Variants in GALK2 observed in about 807,000 individuals in gnomAD.
The protein encoded by GALK2 is galactokinase 2, also known as N-acetylgalactosamine kinase.
In GALK2, 36 loss-of-function variants were observed where a neutral mutation model predicts 52.4. That is an observed-to-expected ratio of 0.69 (90% CI 0.53 to 0.91). The LOEUF is 0.91. Among genes scored for constraint, GALK2 ranks in the 40% least tolerant of loss-of-function variants. The pLI, the probability that GALK2 is intolerant of heterozygous loss-of-function variation, is 0.00. For synonymous variants in GALK2, 176 were observed against 199.1 expected (o/e 0.88, Z 0.98); for missense variants, 579 against 559.1 (o/e 1.04, Z -0.36).
At chr15:49,196,177 T>C (rs1053958336) in intron 1 of GALK2, among the ~76,000 whole-genome samples, 11 of 152,140 alleles carry the variant, frequency 7.2e-5, no homozygotes, top group African/African-American at 2.7e-4. Context: ...CTTTTTTGTG[T>C]CATTCTTTTT....
chr15:49,313,377 A>T (rs2036152457), intron 8 of GALK2, among the ~76,000 whole-genome samples: 2 of 152,258 alleles, frequency 1.3e-5, no homozygotes, highest in African/African-American at 4.8e-5. Flanking sequence ...CTAGAGAGCC[A>T]GATTCTGGTC....
rs1042583733 is a variant in GALK2, at chr15:49,261,160, T to G, written c.505-20827T>G. Among the ~76,000 whole-genome samples, 95 of 149,662 alleles carry G rather than the reference T, an allele frequency of 6.3e-4. 1 individual carries two copies. Among genetic ancestry groups the G allele is most frequent in the Non-Finnish European group, 1.1e-3 (74 of 67,382 alleles). On this transcript the variant is annotated intron_variant, in intron 5 of 9. Coordinates refer to ENST00000560031, the MANE Select transcript of GALK2 (RefSeq NM_002044.4). ...TGAATCTATAAATTACCTTGGGCAG[T>G]ATGGCCATTTTCATGATATTGATTC...
rs764441515 is a variant in GALK2 at position 49,208,243 on chromosome 15, A to AGATT, written c.142+6995_142+6998dup. Among the ~76,000 whole-genome samples, 7 of 152,134 alleles carry AGATT rather than the reference A, an allele frequency of 4.6e-5. No homozygotes were observed. In the East Asian group the frequency reaches 1.3e-3, roughly 29 times the overall value. On this transcript the variant is annotated intron_variant, in intron 2 of 9. Coordinates refer to ENST00000560031, the MANE Select transcript of GALK2 (RefSeq NM_002044.4). The stretch of plus-strand genomic sequence containing the variant: ...CTTTAGTTTGTTGAGGTGTGACCTT[A>AGATT]GATTGTCTGTTTGTGCTCTTTCAGA...
At chr15:49,305,587 C>G (rs577201255) in intron 8 of GALK2, among the ~76,000 whole-genome samples, 1 of 152,218 alleles carries the variant, frequency 6.6e-6, no homozygotes, top group South Asian at 2.1e-4. Context: ...ATAATTTAGT[C>G]TTTTAATGAG....
intron 5 of GALK2, among the ~76,000 whole-genome samples, chr15:49,252,039 G>A (rs368051486): frequency 7.2e-5 from 11 of 152,168 alleles, no homozygotes; most frequent in African/African-American, 2.7e-4. Flanking sequence ...GCAAAGGCGG[G>A]TGGATCACTT....
chr15:49,170,436 C>G, intron 1 of GALK2, 61 bp downstream of exon 1: 1 of 1,496,922 alleles, frequency 6.7e-7, no homozygotes, highest in Non-Finnish European at 9.0e-7. Flanking sequence ...TAGATCGGGT[C>G]CACAGCACTT....
intron 7 of GALK2, among the ~76,000 whole-genome samples, chr15:49,284,587 T>TA (rs1293794965): frequency 6.6e-6 from 1 of 152,204 alleles, no homozygotes. Flanking sequence ...TCCTGATGGA[T>TA]ACTGATGGAT....
chr15:49,207,376 G>T (rs998740762), intron 2 of GALK2, among the ~76,000 whole-genome samples: 1 of 152,104 alleles, frequency 6.6e-6, no homozygotes, highest in Non-Finnish European at 1.5e-5. Flanking sequence ...AAATGAATTC[G>T]GAAAGGTTCC....
At chr15:49,261,476 A>G (rs1051234843) in intron 5 of GALK2, among the ~76,000 whole-genome samples, 29 of 152,044 alleles carry the variant, frequency 1.9e-4, no homozygotes, top group Admixed American at 7.9e-4. Flanking sequence ...GGCTGAGACA[A>G]TGGGGTTTTC....
intron 1 of GALK2, among the ~76,000 whole-genome samples, chr15:49,189,205 C>T (rs1167768829): frequency 6.6e-6 from 1 of 152,168 alleles, no homozygotes; most frequent in Non-Finnish European, 1.5e-5. Context: ...AATGGTCTTC[C>T]ATAAATTTTA....
At chr15:49,315,301 A>C (rs1312273581) in intron 8 of GALK2, among the ~76,000 whole-genome samples, 1 of 152,242 alleles carries the variant, frequency 6.6e-6, no homozygotes, top group African/African-American at 2.4e-5. Context: ...CATGCATGCA[A>C]TGAACATAGT....
At chr15:49,345,368 C>T (rs964728970) in intron 3 of GALK2, among the ~76,000 whole-genome samples, 14 of 152,112 alleles carry the variant, frequency 9.2e-5, no homozygotes, top group African/African-American at 3.4e-4. Context: ...TGCTGGGCTG[C>T]ATGATGTTGG....
intron 3 of GALK2, among the ~76,000 whole-genome samples, chr15:49,220,062 T>TTC (rs2089679881): frequency 6.7e-6 from 1 of 148,700 alleles, no homozygotes; most frequent in African/African-American, 2.5e-5. Context: ...ACAAGTCTTT[T>TTC]TTTTTTTTTT....
chr15:49,366,582 T>A, intron 3 of GALK2: 1 of 1,599,380 alleles, frequency 6.3e-7, no homozygotes, highest in Non-Finnish European at 8.6e-7. Context: ...GATGTGCCAT[T>A]TCCAGACGCA....
chr15:49,210,163 G>T (rs1236725320), intron 2 of GALK2, among the ~76,000 whole-genome samples: 2 of 150,866 alleles, frequency 1.3e-5, no homozygotes, highest in African/African-American at 2.4e-5. Context: ...TGTATTTTGT[G>T]GTGTCACTTG....
chr15:49,211,406 T>C lies in GALK2; in HGVS notation c.143-5784T>C, dbSNP rs1049364335. Reference sequence around the variant, plus strand: ...ACAAGTTTCTTGGAAGTTCCAAACTTTCCCTCATCGTCCTATCTTTTTTCT... The same window carrying C: ...ACAAGTTTCTTGGAAGTTCCAAACTCTCCCTCATCGTCCTATCTTTTTTCT... On this transcript the variant is annotated intron_variant, in intron 2 of 9. Coordinates refer to ENST00000560031, the MANE Select transcript of GALK2 (RefSeq NM_002044.4). Among the ~76,000 whole-genome samples, 4 of 152,200 alleles carry C rather than the reference T, an allele frequency of 2.6e-5. No homozygotes were observed. The South Asian group carries it at 8.3e-4, about 31-fold the overall frequency.
At chr15:49,187,700 C>T (rs1463545517) in intron 1 of GALK2, among the ~76,000 whole-genome samples, 1 of 152,082 alleles carries the variant, frequency 6.6e-6, no homozygotes, top group Non-Finnish European at 1.5e-5. Context: ...TCCCTGTAGC[C>T]ACCTCCCCCA....
intron 9 of GALK2, among the ~76,000 whole-genome samples, chr15:49,322,728 C>A (rs149705399): frequency 1.3e-5 from 2 of 152,026 alleles, no homozygotes; most frequent in Non-Finnish European, 2.9e-5. Context: ...GAGGCCAAGG[C>A]GGGCAGATCA....
In GALK2 at chr15:49,184,244, G is replaced by GT. The variant is rs567765044; in HGVS notation, c.53+13879dup. ...ATGACCTTCTTTTTCTCTTCTTATAGTTTTTTTTTTGGAAATCTATTTTGT... is the reference window on the plus strand; with the variant it reads ...ATGACCTTCTTTTTCTCTTCTTATAGTTTTTTTTTTTGGAAATCTATTTTGT... On this transcript the variant is annotated intron_variant, in intron 1 of 9. Transcript: ENST00000560031. Among the ~76,000 whole-genome samples the GT allele has an allele frequency of 1.3e-3, 192 of 146,882 alleles. 1 individual carries two copies. Among genetic ancestry groups the GT allele is most frequent in the African/African-American group, 3.4e-3 (135 of 40,174 alleles).
Sources: allele counts gnomAD v4.1 joint callset (sites outside exome capture counted in the v4.1 genomes callset), GRCh38; gene constraint gnomAD v4.1.1; transcripts MANE v1.5; gene names NCBI Gene and HGNC (gene_info 2026-07-23, HGNC 2026-07-21).